The following CRB1 variants were observed in gnomAD, a reference collection of about 807,000 sequenced individuals.
CRB1 encodes protein crumbs homolog 1.
Under a neutral mutation model 120.0 loss-of-function variants are expected in CRB1, and 83 were observed. The ratio of observed to expected loss-of-function variants is 0.69; its 90% confidence interval spans 0.58 to 0.83. CRB1 has a LOEUF of 0.83. Ranked by LOEUF, CRB1 falls within the 40% of genes least tolerant of loss-of-function variation. CRB1 has a pLI of 0.00. For missense variants in CRB1, 1,699 were observed against 1,687.6 expected (o/e 1.01, Z -0.12); for synonymous variants, 625 against 612.5 (o/e 1.02, Z -0.30).
At chr1:197,441,950 G>C in intron 10 of CRB1, 2 of 591,386 alleles carry the variant, frequency 3.4e-6, no homozygotes, top group Non-Finnish European at 6.0e-6. Flanking sequence ...GTGTGTATAT[G>C]TATATATATG....
chr1:197,418,782 C>T (rs1244880333), intron 5 of CRB1, among the ~76,000 whole-genome samples: 1 of 152,166 alleles, frequency 6.6e-6, no homozygotes, highest in Non-Finnish European at 1.5e-5. Flanking sequence ...AGGTACTATG[C>T]TATGTTTTAG....
intron 1 of CRB1, among the ~76,000 whole-genome samples, chr1:197,292,570 T>G (rs1198849893): frequency 6.6e-6 from 1 of 152,082 alleles, no homozygotes; most frequent in Admixed American, 6.6e-5. Flanking sequence ...GAGGCCAGCA[T>G]CATCCTGATA....
At chr1:197,333,367 A>T (rs1373905341) in intron 2 of CRB1, among the ~76,000 whole-genome samples, 1 of 152,222 alleles carries the variant, frequency 6.6e-6, no homozygotes, top group Non-Finnish European at 1.5e-5. Flanking sequence ...AAACTTTTTT[A>T]ATGAAAAGAA....
At position 197,428,638 on chromosome 1, in the gene CRB1, C is replaced by T. The variant is rs796855285; in HGVS notation, c.2676+637C>T. The stretch of plus-strand genomic sequence containing the variant: ...GCTCCAACTATGGCCCTACACTAAG[C>T]TTGGTTCTAAATATACACAAATGAA... On this transcript the variant is annotated intron_variant, in intron 7 of 11. Coordinates refer to ENST00000367400, the MANE Select transcript of CRB1 (RefSeq NM_201253.3). 8.7e-4 allele frequency among the ~76,000 whole-genome samples: 133 copies of T among 152,290 alleles called. 1 individual carries two copies. Among genetic ancestry groups the T allele is most frequent in the Middle Eastern group, 3.4e-3 (1 of 294 alleles).
At chr1:197,359,093 C>G (rs971217625) in intron 5 of CRB1, among the ~76,000 whole-genome samples, 2 of 152,024 alleles carry the variant, frequency 1.3e-5, no homozygotes, top group African/African-American at 4.8e-5. Context: ...TACAGGGAGG[C>G]CCATGTATGC....
chr1:197,231,857 A>T, the CRB1 span, among the ~76,000 whole-genome samples: 2 of 152,206 alleles, frequency 1.3e-5, no homozygotes, highest in African/African-American at 4.8e-5. Context: ...CGCTATTTGT[A>T]GTAGGCTGAA....
chr1:197,231,295 C>A, the CRB1 span, among the ~76,000 whole-genome samples: 1 of 152,064 alleles, frequency 6.6e-6, no homozygotes, highest in Non-Finnish European at 1.5e-5. Flanking sequence ...AGGACTACCC[C>A]CCTCATCATC....
chr1:197,460,001 C>CTTTTTTTTTTTTTT (rs10679172), intron 11 of CRB1, among the ~76,000 whole-genome samples: 7 of 75,610 alleles, frequency 9.3e-5, no homozygotes, highest in African/African-American at 1.3e-4. Flanking sequence ...AAGCCCCCCT[C>CTTTTTTTTTTTTTT]TTTTTTTTTT....
chr1:197,308,638 T>C (rs1020654672), intron 1 of CRB1, among the ~76,000 whole-genome samples: 2 of 152,078 alleles, frequency 1.3e-5, no homozygotes, highest in African/African-American at 4.8e-5. Context: ...TGGCATATCT[T>C]TTTGTAAAAT....
chr1:197,309,472 C>T (rs796691701), intron 1 of CRB1, among the ~76,000 whole-genome samples: 3 of 152,142 alleles, frequency 2.0e-5, no homozygotes, highest in East Asian at 3.9e-4. Context: ...GAGAAATTTA[C>T]GGCCAGGCGC....
At chr1:197,219,101 A>T in the CRB1 span, among the ~76,000 whole-genome samples, 1 of 152,218 alleles carries the variant, frequency 6.6e-6, no homozygotes, top group Non-Finnish European at 1.5e-5. Flanking sequence ...AAGGCTCATA[A>T]TGTGTTTAAA....
At position 197,274,577 on chromosome 1, in the gene CRB1, C is replaced by T. The variant is rs187922833; in HGVS notation, c.70+6095C>T. Among the ~76,000 whole-genome samples, 635 of 152,216 alleles carry T rather than the reference C, an allele frequency of 4.2e-3. 8 individuals carry two copies. The highest frequency in any genetic ancestry group is 0.014 in the Middle Eastern group (4 of 294). The stretch of plus-strand genomic sequence containing the variant: ...GCAGAATAATTACTATTCTAAAAGT[C>T]CCCTGTGCCTCTTCTCTACACCCTT... On this transcript the variant is annotated intron_variant, in intron 1 of 11. Coordinates refer to ENST00000367400, the MANE Select transcript of CRB1 (RefSeq NM_201253.3).
intron 1 of CRB1, among the ~76,000 whole-genome samples, chr1:197,320,511 C>T (rs2125289631): frequency 1.3e-5 from 2 of 152,182 alleles, no homozygotes; most frequent in Middle Eastern, 6.8e-3. Context: ...CATAAGCATC[C>T]TTCAGGAGCC....
the CRB1 span, among the ~76,000 whole-genome samples, chr1:197,227,662 T>A: frequency 6.6e-6 from 1 of 152,074 alleles, no homozygotes; most frequent in Non-Finnish European, 1.5e-5. Flanking sequence ...AAGCTGTCAG[T>A]GGATCTACAA....
At chr1:197,249,343 G>A in the CRB1 span, among the ~76,000 whole-genome samples, 1 of 151,550 alleles carries the variant, frequency 6.6e-6, no homozygotes, top group Non-Finnish European at 1.5e-5. Flanking sequence ...GAATAATCTT[G>A]TACAAAGAAC....
At chr1:197,316,893 T>C (rs1657878847) in intron 1 of CRB1, among the ~76,000 whole-genome samples, 1 of 145,850 alleles carries the variant, frequency 6.9e-6, no homozygotes, top group Non-Finnish European at 1.5e-5. Flanking sequence ...AGAAAGCAAT[T>C]TCACTTACAA....
chr1:197,271,140 T>A (rs1158405784), intron 1 of CRB1, among the ~76,000 whole-genome samples: 1 of 152,050 alleles, frequency 6.6e-6, no homozygotes, highest in Non-Finnish European at 1.5e-5. Context: ...TCGAGACTGC[T>A]GTGAGCCATG....
At chr1:197,327,374 T>C (rs1658578393) in intron 1 of CRB1, among the ~76,000 whole-genome samples, 1 of 152,250 alleles carries the variant, frequency 6.6e-6, no homozygotes, top group Admixed American at 6.5e-5. Context: ...GAATAAATAC[T>C]ACTTACAATA....
At chr1:197,400,482 T>G (rs1663008426) in intron 5 of CRB1, among the ~76,000 whole-genome samples, 1 of 151,464 alleles carries the variant, frequency 6.6e-6, no homozygotes, top group Non-Finnish European at 1.5e-5. Flanking sequence ...TTTTTTTTTT[T>G]TTGATGATGA....
Sources: allele counts gnomAD v4.1 joint callset (sites outside exome capture counted in the v4.1 genomes callset), GRCh38; gene constraint gnomAD v4.1.1; transcripts MANE v1.5; gene names NCBI Gene and HGNC (gene_info 2026-07-23, HGNC 2026-07-21).